KDM3A: variants seen among roughly 807,000 people sequenced by gnomAD.
The protein encoded by KDM3A is lysine-specific demethylase 3A.
KDM3A carries 60 observed loss-of-function variants against 158.0 expected under a neutral mutation model. The ratio of observed to expected loss-of-function variants is 0.38; its 90% CI spans 0.31 to 0.47. The LOEUF is 0.47. Among genes scored for constraint, KDM3A ranks in the 20% least tolerant of loss-of-function variants. The pLI, the probability that KDM3A is intolerant of heterozygous loss-of-function variation, is 0.99. For missense variants in KDM3A, 1,319 were observed against 1,574.3 expected (o/e 0.84, Z 2.74); for synonymous variants, 608 against 549.3 (o/e 1.11, Z -1.49).
intron 4 of KDM3A, among the ~76,000 whole-genome samples, chr2:86,452,517 G>C (rs921392038): frequency 6.6e-6 from 1 of 151,976 alleles, no homozygotes; most frequent in Non-Finnish European, 1.5e-5. Context: ...TTTGCAACTT[G>C]ATAAAACATA....
Position 86,485,738 on chromosome 2 carries a change from T to C in KDM3A, c.3192T>C (p.Asp1064=), listed in dbSNP as rs1328548131. The stretch of plus-strand genomic sequence containing the variant: ...GGTTCTGTTGTTCTAGGTTTGATGA[T>C]CTGATGGCCAACATTCCACTGCCCG... ...FRDMMPSRFD[D]LMANIPLPEY... The change falls in exon 21 of 26, where the codon GAT becomes GAC. Residue 1064 remains aspartate, a synonymous_variant. Coordinates refer to ENST00000312912, the MANE Select transcript of KDM3A (RefSeq NM_018433.6). 6.2e-7 allele frequency: 1 copy of C among 1,613,962 alleles called. No homozygotes were observed. Among genetic ancestry groups the C allele is most frequent in the Admixed American group, 1.7e-5 (1 of 60,010 alleles).
At chr2:86,487,081 C>G (rs1318487358) in intron 21 of KDM3A, 1 of 152,172 alleles carries the variant, frequency 6.6e-6, no homozygotes, top group Non-Finnish European at 1.5e-5. Context: ...TGGTTGGGAT[C>G]TTGGGCAAAC....
In KDM3A at chr2:86,489,679, T is replaced by C; in HGVS notation, c.3573+20T>C. 2 of 1,600,550 alleles carry C rather than the reference T, an allele frequency of 1.2e-6. No individual in the cohort carries two copies. The highest frequency in any genetic ancestry group is 1.7e-6 in the Non-Finnish European group (2 of 1,173,722). ...AAAAAGGTGTGCTGCTTATGGCATG[T>C]GTGAACAGAGGCATAAGGAATAGCA... On this transcript the variant is annotated intron_variant, in intron 23 of 25. Coordinates refer to ENST00000312912, the MANE Select transcript of KDM3A (RefSeq NM_018433.6).
chr2:86,451,597 A>G (rs13431685), intron 4 of KDM3A, among the ~76,000 whole-genome samples: 86 of 152,310 alleles, frequency 5.6e-4, no homozygotes, highest in African/African-American at 2.0e-3. Context: ...CGGTCTTGCA[A>G]TCTCGGGTGA....
intron 11 of KDM3A, among the ~76,000 whole-genome samples, chr2:86,472,770 G>T (rs749650271): frequency 7.2e-5 from 11 of 152,112 alleles, no homozygotes; most frequent in Non-Finnish European, 1.6e-4. Flanking sequence ...AATACTGAAG[G>T]CTTTCAGCAG....
At chr2:86,482,294 C>G (rs1489385326) in intron 17 of KDM3A, among the ~76,000 whole-genome samples, 164 bp from the exon 18 acceptor site, 2 of 152,142 alleles carry the variant, frequency 1.3e-5, no homozygotes, top group Non-Finnish European at 1.5e-5. Context: ...CTCCTGTTAC[C>G]TCACTTCTAT....
At chr2:86,455,808 T>G (rs1672665671) in intron 5 of KDM3A, among the ~76,000 whole-genome samples, 1 of 151,656 alleles carries the variant, frequency 6.6e-6, no homozygotes, top group Non-Finnish European at 1.5e-5. Context: ...TTAAAAAAAT[T>G]AGCCCGGTGT....
At position 86,492,312 on chromosome 2, in the gene KDM3A, C is replaced by G. The variant is rs1005852310; in HGVS notation, c.*193C>G. 1 of 511,116 alleles carries G rather than the reference C, an allele frequency of 2.0e-6. No homozygotes were observed. Among genetic ancestry groups the G allele is most frequent in the Non-Finnish European group, 3.5e-6 (1 of 285,454 alleles). The allele number at this position is 511,116 out of a possible 1,614,324, so 31.7% of individuals were successfully genotyped here. A position where few individuals can be genotyped will look rare whatever the true frequency, so the allele number is the denominator to read the frequency against. ...GTATATGTAGTAACTATTTACAGAA[C>G]ATGCATCCTTAAACTGTGACTTCTC... On this transcript the variant is annotated 3_prime_UTR_variant, in exon 26 of 26. Transcript: ENST00000312912.
At chr2:86,476,880 A>G (rs1173616713) in intron 12 of KDM3A, among the ~76,000 whole-genome samples, 2 of 152,238 alleles carry the variant, frequency 1.3e-5, no homozygotes, top group Admixed American at 1.3e-4. Context: ...AAACTGGATT[A>G]GGAAAAAGAT....
chr2:86,445,530 C>T (rs1271589871), intron 2 of KDM3A, among the ~76,000 whole-genome samples: 1 of 152,014 alleles, frequency 6.6e-6, no homozygotes, highest in Non-Finnish European at 1.5e-5. Context: ...TTAACTTGTC[C>T]TTTTTTCTTT....
upstream of KDM3A, among the ~76,000 whole-genome samples, chr2:86,439,737 T>C (rs568318093): frequency 1.3e-5 from 2 of 152,180 alleles, no homozygotes; most frequent in Admixed American, 1.3e-4. Context: ...CACCTTAGGA[T>C]AGGCCATGTT....
upstream of KDM3A, among the ~76,000 whole-genome samples, chr2:86,437,622 AGAG>A (rs1283953634): frequency 1.3e-5 from 2 of 152,144 alleles, no homozygotes; most frequent in Non-Finnish European, 2.9e-5. Flanking sequence ...TTGTTTTGTT[AGAG>A]GAGAAATGAC....
intron 23 of KDM3A, 26 bp downstream of exon 23, chr2:86,489,685 C>T: frequency 1.3e-6 from 2 of 1,594,782 alleles, no homozygotes; most frequent in East Asian, 4.5e-5. Context: ...CATGTGTGAA[C>T]AGAGGCATAA....
intron 11 of KDM3A, among the ~76,000 whole-genome samples, chr2:86,472,653 T>C (rs1367244825): frequency 6.6e-6 from 1 of 152,238 alleles, no homozygotes; most frequent in Non-Finnish European, 1.5e-5. Flanking sequence ...CAGTTTATTC[T>C]ACACTCTTTT....
chr2:86,479,446 T>G (rs192888383), intron 15 of KDM3A: 1 of 152,330 alleles, frequency 6.6e-6, no homozygotes, highest in Non-Finnish European at 1.5e-5. Context: ...TTGTGTTACT[T>G]TGGCTGAAGT....
At chr2:86,441,989 C>A in intron 1 of KDM3A, 29 bp from the exon 2 acceptor site, 1 of 1,587,574 alleles carries the variant, frequency 6.3e-7, no homozygotes, top group Admixed American at 1.7e-5. Context: ...CGGCCGCCCC[C>A]GTCGCATTTT....
At chr2:86,445,332 AAT>A (rs1313450256) in intron 2 of KDM3A, among the ~76,000 whole-genome samples, 2 of 152,240 alleles carry the variant, frequency 1.3e-5, no homozygotes, top group African/African-American at 4.8e-5. Flanking sequence ...AACAGATCTT[AAT>A]TAGATGTGGC....
At chr2:86,489,742 G>A in intron 23 of KDM3A, 83 bp downstream of exon 23, 1 of 1,458,650 alleles carries the variant, frequency 6.9e-7, no homozygotes, top group Non-Finnish European at 9.2e-7. Context: ...GACTGGCTTG[G>A]CTAGGGGAAT....
intron 8 of KDM3A, among the ~76,000 whole-genome samples, chr2:86,463,216 T>C (rs1355590417): frequency 1.3e-5 from 2 of 152,166 alleles, no homozygotes; most frequent in Non-Finnish European, 2.9e-5. Context: ...GGCAAGACGA[T>C]TGAGAAAGGT....
Sources: gnomAD v4.1 joint callset for allele counts (sites outside exome capture counted in the v4.1 genomes callset) on GRCh38, gnomAD v4.1.1 for gene constraint, MANE v1.5 for transcripts, NCBI Gene and HGNC (gene_info 2026-07-23, HGNC 2026-07-21) for gene names.